PLAC1: variants seen among roughly 807,000 people sequenced by gnomAD.
PLAC1 encodes placenta-specific protein 1.
For synonymous variants in PLAC1, 68 were observed against 62.1 expected, an observed-to-expected ratio of 1.09 and a Z score of -0.44; for missense variants, 136 against 163.2, an observed-to-expected ratio of 0.83 and a Z score of 0.91.
chrX:134,628,679 C>T (rs1223408462), intron 1 of PLAC1, among the ~76,000 whole-genome samples: 1 of 112,177 alleles, frequency 8.9e-6, no homozygotes, highest in African/African-American at 3.2e-5. Flanking sequence ...AATGTTATGC[C>T]TGTATTGTGA....
chrX:134,674,857 A>G (rs2078467810), intron 2 of PLAC1, among the ~76,000 whole-genome samples: 1 of 112,665 alleles, frequency 8.9e-6, no homozygotes, highest in African/African-American at 3.2e-5. Flanking sequence ...CCAATCTTTC[A>G]GCAGAACAGG....
At chrX:134,578,949 A>G (rs1012699048) in intron 2 of PLAC1, among the ~76,000 whole-genome samples, 7 of 111,137 alleles carry the variant, frequency 6.3e-5, no homozygotes, top group Non-Finnish European at 1.3e-4. Flanking sequence ...CAAAGTAGAA[A>G]TACTTTCTAT....
intron 1 of PLAC1, among the ~76,000 whole-genome samples, chrX:134,602,344 C>A (rs1207960417): frequency 8.9e-6 from 1 of 112,011 alleles, no homozygotes; most frequent in Non-Finnish European, 1.9e-5. Flanking sequence ...TTTGAGCAAA[C>A]CTTCCCAACC....
chrX:134,708,627 C>T (rs1217968590), intron 2 of PLAC1, among the ~76,000 whole-genome samples: 1 of 106,554 alleles, frequency 9.4e-6, no homozygotes, highest in African/African-American at 3.4e-5. Context: ...ACAACCCCAC[C>T]TCCCAGGTTC....
At chrX:134,757,102 A>G (rs1236712416) in intron 1 of PLAC1, among the ~76,000 whole-genome samples, 5 of 112,783 alleles carry the variant, frequency 4.4e-5, no homozygotes, top group African/African-American at 1.6e-4. Context: ...ACTGTGTTAA[A>G]AACTGATTCA....
intron 1 of PLAC1, among the ~76,000 whole-genome samples, chrX:134,742,913 AAAG>A (rs1363099260): frequency 3.6e-5 from 4 of 112,094 alleles, no homozygotes; most frequent in African/African-American, 1.3e-4. Flanking sequence ...ATGTAAAAAG[AAAG>A]AAGAAGGAAA....
intron 2 of PLAC1, among the ~76,000 whole-genome samples, chrX:134,705,186 C>T (rs1320338996): frequency 1.3e-4 from 14 of 105,950 alleles, no homozygotes; most frequent in Non-Finnish European, 2.7e-4. Context: ...TTTGGGAGGC[C>T]GAGGCAGGTG....
intron 2 of PLAC1, among the ~76,000 whole-genome samples, chrX:134,665,097 T>C (rs1287754455): frequency 9.3e-6 from 1 of 107,264 alleles, no homozygotes; most frequent in Non-Finnish European, 1.9e-5. Context: ...TGTGTGTGTA[T>C]GTGAGTGTGT....
In PLAC1 at chrX:134,686,233, C is replaced by A. The variant is rs765525850; in HGVS notation, n.174+47202G>T. Among the ~76,000 whole-genome samples the A allele has an allele frequency of 2.7e-5, 3 of 111,223 alleles. No homozygotes were observed. The South Asian group carries it at 1.2e-3, about 43-fold the overall frequency. On this transcript the variant is annotated intron_variant and non_coding_transcript_variant, in intron 2 of 2. Transcript: ENST00000466797. Reference sequence around the variant, plus strand: ...TAGGCCTCTCTGTTCCCCATCCATGCAACTAAGTGTGAGAAGAGATGCGTT... The same window carrying A: ...TAGGCCTCTCTGTTCCCCATCCATGAAACTAAGTGTGAGAAGAGATGCGTT...
At chrX:134,627,869 G>A (rs763600027) in intron 1 of PLAC1, among the ~76,000 whole-genome samples, 1 of 111,249 alleles carries the variant, frequency 9.0e-6, no homozygotes, top group East Asian at 2.8e-4. Context: ...GAGGCAGGAT[G>A]GGGGAGTGTT....
intron 2 of PLAC1, among the ~76,000 whole-genome samples, chrX:134,676,363 T>G (rs1467743259): frequency 1.8e-5 from 2 of 111,235 alleles, no homozygotes; most frequent in African/African-American, 6.5e-5. Flanking sequence ...TACTGCTCCC[T>G]CCGCTGACAT....
chrX:134,682,535 A>G (rs1401514348), intron 2 of PLAC1, among the ~76,000 whole-genome samples: 1 of 109,390 alleles, frequency 9.1e-6, no homozygotes, highest in Non-Finnish European at 1.9e-5. Flanking sequence ...GGGTGTCTCA[A>G]GTACCTCTCT....
chrX:134,640,806 A>G (rs758703186), intron 1 of PLAC1, among the ~76,000 whole-genome samples: 11 of 112,215 alleles, frequency 9.8e-5, no homozygotes, highest in African/African-American at 3.2e-4. Context: ...CAACAAAACA[A>G]CCTTAGAAAG....
chrX:134,693,140 C>A (rs974320259), intron 2 of PLAC1, among the ~76,000 whole-genome samples: 4 of 111,629 alleles, frequency 3.6e-5, no homozygotes, highest in African/African-American at 1.3e-4. Context: ...TTCCCTTCCA[C>A]AGGCTTTACT....
chrX:134,611,518 C>T (rs5975465), intron 1 of PLAC1, among the ~76,000 whole-genome samples: 3,195 of 102,340 alleles, frequency 0.031, 135 homozygotes, highest in African/African-American at 0.11. Context: ...CACACACACA[C>T]ATACATATAC....
intron 2 of PLAC1, among the ~76,000 whole-genome samples, chrX:134,598,719 T>C (rs1335625796): frequency 2.7e-5 from 3 of 111,442 alleles, no homozygotes; most frequent in African/African-American, 9.8e-5. Flanking sequence ...CGGTAGTTTT[T>C]GAAGGAAAAA....
chrX:134,574,771 C>T (rs755485907), intron 2 of PLAC1, among the ~76,000 whole-genome samples: 1 of 111,515 alleles, frequency 9.0e-6, no homozygotes, highest in Admixed American at 9.6e-5. Flanking sequence ...TAGACCAAGT[C>T]CAGGCAATTG....
chrX:134,708,942 T>G (rs945277160), intron 2 of PLAC1, among the ~76,000 whole-genome samples: 4 of 111,828 alleles, frequency 3.6e-5, no homozygotes, highest in African/African-American at 1.3e-4. Flanking sequence ...TGTACTCTAG[T>G]TATGTAAAAT....
intron 2 of PLAC1, among the ~76,000 whole-genome samples, chrX:134,690,157 G>C (rs1011892214): frequency 8.9e-6 from 1 of 111,896 alleles, no homozygotes; most frequent in African/African-American, 3.3e-5. Flanking sequence ...ATGTCCTCAA[G>C]GTTCATCCAT....
Sources: allele counts gnomAD v4.1 joint callset (sites outside exome capture counted in the v4.1 genomes callset), GRCh38; gene constraint gnomAD v4.1.1; transcripts MANE v1.5; gene names NCBI Gene and HGNC (gene_info 2026-07-23, HGNC 2026-07-21).